The following GGT7 variants were observed in gnomAD, a reference collection of about 807,000 sequenced individuals.
The protein encoded by GGT7 is glutathione hydrolase 7.
Under a neutral mutation model 69.2 loss-of-function variants are expected in GGT7, and 30 were observed. The observed-to-expected ratio is 0.43, with a 90% CI of 0.32 to 0.59. The LOEUF (loss-of-function observed/expected upper bound fraction) is 0.59, where lower values mean the gene tolerates loss of function less well. GGT7 is among the 20% of genes least tolerant of loss of function. The pLI is 0.05. For missense variants in GGT7, 733 were observed against 901.1 expected (o/e 0.81, Z 2.39); for synonymous variants, 388 against 391.8 (o/e 0.99, Z 0.12).
intron 1 of GGT7, among the ~76,000 whole-genome samples, chr20:34,867,327 C>T (rs1172100069): frequency 6.6e-6 from 1 of 152,104 alleles, no homozygotes; most frequent in African/African-American, 2.4e-5. Context: ...TGAAGTGTTC[C>T]CAAGACTTTA....
In GGT7 at chr20:34,861,520, G is replaced by A; in HGVS notation, c.600C>T (p.Ser200=). The A allele has an allele frequency of 1.3e-6, 2 of 1,535,952 alleles. No individual in the cohort carries two copies. The highest frequency in any genetic ancestry group is 1.8e-6 in the Non-Finnish European group (2 of 1,129,788). Residue 200 remains serine, a synonymous_variant, in exon 4 of 15, where the codon AGC becomes AGT. Coordinates refer to ENST00000336431, the MANE Select transcript of GGT7 (RefSeq NM_178026.3). ...CGGACTCCCGGAAATCAATTAGGTGGCTCTCATTTCGTCGGATGTCATGTA... is the reference window on the plus strand; with the variant it reads ...CGGACTCCCGGAAATCAATTAGGTGACTCTCATTTCGTCGGATGTCATGTA... ...MLVHDIRRNE[S]HLIDFRESAP... is the part of the protein sequence containing the mutation.
At chr20:34,852,655 A>G (rs1472855736) in intron 10 of GGT7, 117 bp from the exon 11 acceptor site, 1 of 940,000 alleles carries the variant, frequency 1.1e-6, no homozygotes, top group African/African-American at 1.7e-5. Flanking sequence ...TCACTGGACT[A>G]CTAGGTCTAT....
At chr20:34,860,539 A>G (rs1467799298) in intron 4 of GGT7, among the ~76,000 whole-genome samples, 1 of 150,498 alleles carries the variant, frequency 6.6e-6, no homozygotes, top group Non-Finnish European at 1.5e-5. Flanking sequence ...TAGCTGCCGT[A>G]GTTGGGGGAT....
At chr20:34,859,888 C>A in intron 6 of GGT7, 81 bp downstream of exon 6, 1 of 1,062,856 alleles carries the variant, frequency 9.4e-7, no homozygotes, top group Non-Finnish European at 1.4e-6. Context: ...GAGGGCCTCT[C>A]TGGCTTGGGC....
chr20:34,870,923 CT>C (rs1190426654), intron 1 of GGT7, among the ~76,000 whole-genome samples: 2 of 151,692 alleles, frequency 1.3e-5, no homozygotes, highest in Non-Finnish European at 2.9e-5. Flanking sequence ...TCCCGAGTAG[CT>C]AGGATTACAG....
chr20:34,858,285 A>G (rs989250027), intron 7 of GGT7, among the ~76,000 whole-genome samples: 1 of 152,120 alleles, frequency 6.6e-6, no homozygotes, highest in Admixed American at 6.5e-5. Context: ...AGTAGAGTTG[A>G]GAGAGAGAGA....
intron 8 of GGT7, among the ~76,000 whole-genome samples, chr20:34,856,234 G>A (rs940727317): frequency 1.3e-5 from 2 of 152,200 alleles, no homozygotes; most frequent in African/African-American, 2.4e-5. Flanking sequence ...GAAAGAACCT[G>A]AGAATCTTCT....
intron 11 of GGT7, 51 bp downstream of exon 11, chr20:34,852,338 T>C: frequency 3.8e-6 from 4 of 1,058,260 alleles, no homozygotes; most frequent in South Asian, 1.3e-5. Context: ...CCCCACCCCC[T>C]CTTGGTTCAG....
chr20:34,845,558 C>A lies in GGT7; in HGVS notation c.1826-67G>T, dbSNP rs546458711. The A allele has an allele frequency of 1.6e-5, 22 of 1,375,430 alleles. No homozygotes were observed. In the African/African-American group the frequency reaches 3.0e-4, roughly 19 times the overall value. 85.2% of individuals were successfully genotyped at this position (1,375,430 alleles called of 1,614,324 possible). On this transcript the variant is annotated intron_variant, in intron 14 of 14. Transcript: ENST00000336431. ...AGCACTAGTTCAAGAGTCCTACAGT[C>A]AGACCTGAGTCCTCATCCTGGCTGC...
intron 14 of GGT7, 119 bp from the exon 15 acceptor site, chr20:34,845,610 A>G (rs2079292242): frequency 4.9e-6 from 4 of 810,212 alleles, no homozygotes; most frequent in South Asian, 3.3e-5. Context: ...ATGACCTTGG[A>G]CAAATCACTT....
chr20:34,864,310 A>T (rs2079653341), intron 1 of GGT7, among the ~76,000 whole-genome samples: 1 of 152,128 alleles, frequency 6.6e-6, no homozygotes, highest in African/African-American at 2.4e-5. Flanking sequence ...AAGAGGGAAC[A>T]GTGGATGCAA....
intron 1 of GGT7, among the ~76,000 whole-genome samples, chr20:34,866,528 T>A (rs955327702): frequency 1.4e-5 from 2 of 141,716 alleles, no homozygotes; most frequent in African/African-American, 5.3e-5. Context: ...GGGACTTTTT[T>A]ATTCTTCCTC....
intron 10 of GGT7, among the ~76,000 whole-genome samples, chr20:34,852,881 T>C (rs971986023): frequency 2.0e-5 from 3 of 152,244 alleles, no homozygotes; most frequent in Non-Finnish European, 2.9e-5. Flanking sequence ...CTGGATTCAT[T>C]TAAACTAATG....
At chr20:34,851,018 C>T (rs939105772) in intron 13 of GGT7, 13 of 677,270 alleles carry the variant, frequency 1.9e-5, no homozygotes, top group South Asian at 4.9e-5. Context: ...CCCCTGCAAC[C>T]GGGAAAGACA....
rs981170157 is a variant in GGT7, at chr20:34,852,546, G to A, written c.1320-8C>T. The A allele has an allele frequency of 6.4e-7, 1 of 1,569,598 alleles. No homozygotes were observed. Among genetic ancestry groups the A allele is most frequent in the Non-Finnish European group, 8.6e-7 (1 of 1,159,302 alleles). The stretch of plus-strand genomic sequence containing the variant: ...TAGGCGGCCTCCACCTTGCTGAAAA[G>A]ACAAGGGGTGGGAGATGAGCAAACA... On this transcript the variant is annotated splice_polypyrimidine_tract_variant and splice_region_variant and intron_variant, in intron 10 of 14. Coordinates refer to ENST00000336431, the MANE Select transcript of GGT7 (RefSeq NM_178026.3).
chr20:34,852,310 T>A, intron 11 of GGT7, 38 bp from the exon 12 acceptor site: 1 of 1,590,076 alleles, frequency 6.3e-7, no homozygotes, highest in Non-Finnish European at 8.6e-7. Context: ...CCCTGGCCCA[T>A]CCTCACCTCT....
intron 14 of GGT7, among the ~76,000 whole-genome samples, chr20:34,847,554 G>A (rs2079320875): frequency 6.6e-6 from 1 of 152,140 alleles, no homozygotes; most frequent in Non-Finnish European, 1.5e-5. Flanking sequence ...TATTTCCTTT[G>A]TGGTTCACTT....
At position 34,856,846 on chromosome 20, in the gene GGT7, G is replaced by A. The variant is rs757152430; in HGVS notation, c.1062C>T (p.Tyr354=). Residue 354 remains tyrosine, a synonymous_variant, in exon 8 of 15, where the codon TAC becomes TAT. Coordinates refer to ENST00000336431, the MANE Select transcript of GGT7 (RefSeq NM_178026.3). The stretch of plus-strand genomic sequence containing the variant: ...ACACAGGCTTCTCCACAAGGGCGCT[G>A]TAATTGCTGAAGTCCTCTTCGGTTA... ...GVITEEDFSN[Y]SALVEKPVCG... is the part of the protein sequence containing the mutation. The A allele has an allele frequency of 6.2e-7, 1 of 1,612,368 alleles. No individual in the cohort carries two copies. Among genetic ancestry groups the A allele is most frequent in the Non-Finnish European group, 8.5e-7 (1 of 1,178,674 alleles).
chr20:34,854,935 G>A lies in GGT7; in HGVS notation c.1103-12C>T. 1.9e-6 allele frequency: 3 copies of A among 1,612,846 alleles called. No homozygotes were observed. The highest frequency in any genetic ancestry group is 2.5e-6 in the Non-Finnish European group (3 of 1,179,444). ...AAGAACCAGGTGGCCTGAAAGGACA[G>A]GAAGTGACTGATGGCAGGGTAGGGG... On this transcript the variant is annotated splice_polypyrimidine_tract_variant and intron_variant, in intron 8 of 14. Transcript: ENST00000336431.
Sources: allele counts gnomAD v4.1 joint callset (sites outside exome capture counted in the v4.1 genomes callset), GRCh38; gene constraint gnomAD v4.1.1; transcripts MANE v1.5; gene names NCBI Gene and HGNC (gene_info 2026-07-23, HGNC 2026-07-21).